ECE1: variants seen among roughly 807,000 people sequenced by gnomAD.
ECE1 encodes endothelin-converting enzyme 1.
ECE1 carries 35 observed loss-of-function variants against 98.6 expected under a neutral mutation model. The observed-to-expected ratio is 0.35, with a 90% confidence interval of 0.27 to 0.47. The LOEUF (loss-of-function observed/expected upper bound fraction) is 0.47, where lower values mean the gene tolerates loss of function less well. Ranked by LOEUF, ECE1 falls within the 20% of genes least tolerant of loss-of-function variation. The pLI is 1.00. For missense variants in ECE1, 814 were observed against 1,025.3 expected (o/e 0.79, Z 2.81); for synonymous variants, 394 against 407.1 (o/e 0.97, Z 0.39).
At chr1:21,259,306 T>C (rs146397800) in intron 5 of ECE1, among the ~76,000 whole-genome samples, 149 of 152,208 alleles carry the variant, frequency 9.8e-4, no homozygotes, top group Admixed American at 2.4e-3. Flanking sequence ...CTTGCTCTGA[T>C]TCCCAGGCTG....
At chr1:21,303,575 C>G (rs1420052725) in intron 1 of ECE1, among the ~76,000 whole-genome samples, 1 of 152,188 alleles carries the variant, frequency 6.6e-6, no homozygotes, top group Non-Finnish European at 1.5e-5. Flanking sequence ...TCCAACTGGC[C>G]CAAGGCAGAA....
Position 21,225,559 on chromosome 1 carries a change from T to A in ECE1, c.1850-119A>T. The A allele has an allele frequency of 8.3e-7, 1 of 1,198,472 alleles. No homozygotes were observed. 74.2% of individuals were successfully genotyped at this position (1,198,472 alleles called of 1,614,324 possible). ...GTCCACCCCCGTCCTCCAGCCACCA[T>A]GGGGAGACGAGGTCCCTGTGAGTGC... is the stretch of plus-strand genomic sequence containing the variant. On this transcript the variant is annotated intron_variant, in intron 16 of 18. Transcript: ENST00000374893. This position sits in a 1 kb window ranked among gnomAD's most constrained non-coding sequence, Gnocchi z 5.3.
upstream of ECE1, among the ~76,000 whole-genome samples, chr1:21,294,711 T>C (rs1638304330): frequency 6.6e-6 from 1 of 152,186 alleles, no homozygotes; most frequent in Admixed American, 6.5e-5. This position sits in a 1 kb window ranked among gnomAD's most constrained non-coding sequence, Gnocchi z 4.2. Flanking sequence ...CCAGACGACA[T>C]TAGTCACTCA....
intron 14 of ECE1, among the ~76,000 whole-genome samples, chr1:21,231,991 TA>T (rs1339325650): frequency 3.3e-5 from 5 of 152,200 alleles, no homozygotes; most frequent in Non-Finnish European, 7.3e-5. Context: ...GAAATTTAAA[TA>T]AAAACATTCA....
intron 1 of ECE1, among the ~76,000 whole-genome samples, chr1:21,314,843 T>C (rs76964154): frequency 0.27 from 41,652 of 152,192 alleles, 6,373 homozygotes; most frequent in African/African-American, 0.39. Flanking sequence ...ACTGTGCTTA[T>C]CCCTCTCAAT....
chr1:21,322,520 C>T lies in ECE1; in HGVS notation c.3+22856G>A, dbSNP rs1638986719. On this transcript the variant is annotated intron_variant, in intron 1 of 18. Transcript: ENST00000415912. This position sits in a 1 kb window ranked among gnomAD's most constrained non-coding sequence, Gnocchi z 4.1. ...GCGCAGGCTGAGGCACAGGTTGGGG[C>T]TGTGCCAGGCCCCCCACATGTGTCA... 6.6e-6 allele frequency among the ~76,000 whole-genome samples: 1 copy of T among 152,214 alleles called. No homozygotes were observed. Among genetic ancestry groups the T allele is most frequent in the Admixed American group, 6.5e-5 (1 of 15,280 alleles).
intron 1 of ECE1, among the ~76,000 whole-genome samples, chr1:21,333,841 A>G (rs559067303): frequency 6.6e-6 from 1 of 152,322 alleles, no homozygotes; most frequent in South Asian, 2.1e-4. Context: ...CTCAAAAAAA[A>G]AAAAATGACG....
At chr1:21,284,031 G>A (rs1445393465) in intron 2 of ECE1, among the ~76,000 whole-genome samples, 1 of 152,222 alleles carries the variant, frequency 6.6e-6, no homozygotes, top group African/African-American at 2.4e-5. Context: ...CTCCAGGGCA[G>A]GGTGGCCAAT....
At position 21,225,282 on chromosome 1, in the gene ECE1, C is replaced by T. The variant is rs780918973; in HGVS notation, c.2008G>A (p.Ala670Thr). 1 of 1,614,160 alleles carries T rather than the reference C, an allele frequency of 6.2e-7. No individual in the cohort carries two copies. The highest frequency in any genetic ancestry group is 1.3e-5 in the African/African-American group (1 of 75,044). The part of the protein sequence containing the change: ...NGRHTLGENI[A>T]DNGGLKAAYR... ...GCCGCCTTGAGACCCCCGTTGTCGGCGATGTTCTCCCCCAGGGTGTGCCGC... is the reference window on the plus strand; with the variant it reads ...GCCGCCTTGAGACCCCCGTTGTCGGTGATGTTCTCCCCCAGGGTGTGCCGC... The change falls in exon 17 of 19, where the codon GCC becomes ACC. Residue 670 changes from alanine to threonine, a missense_variant. By Grantham distance (58) the Ala-to-Thr change is moderately conservative (BLOSUM62 0). Transcript: ENST00000374893. The surrounding 1 kb of genome is among the most constrained non-coding windows in gnomAD (Gnocchi z 5.3).
intron 5 of ECE1, among the ~76,000 whole-genome samples, chr1:21,259,319 G>C (rs1275776327): frequency 6.6e-6 from 1 of 152,052 alleles, no homozygotes; most frequent in East Asian, 1.9e-4. Context: ...CCAGGCTGAA[G>C]TGCAGTGGGG....
At chr1:21,313,885 C>A (rs78412235) in intron 1 of ECE1, among the ~76,000 whole-genome samples, 1,940 of 152,280 alleles carry the variant, frequency 0.013, 42 homozygotes, top group African/African-American at 0.044. Context: ...ACAGGAATGT[C>A]CCGGCTCACG....
chr1:21,257,714 C>G, intron 6 of ECE1, 124 bp from the exon 7 acceptor site: 5 of 1,005,550 alleles, frequency 5.0e-6, no homozygotes, highest in Non-Finnish European at 4.6e-6. Flanking sequence ...CTTGGAGAAG[C>G]AGGACTGCTG....
At chr1:21,284,923 C>T (rs987066210) in intron 2 of ECE1, among the ~76,000 whole-genome samples, 1 of 152,192 alleles carries the variant, frequency 6.6e-6, no homozygotes, top group East Asian at 1.9e-4. Flanking sequence ...GCACCAGGCT[C>T]CCTGGAGTAA....
intron 1 of ECE1, among the ~76,000 whole-genome samples, chr1:21,323,439 A>G (rs1639005342): frequency 6.6e-6 from 1 of 152,128 alleles, no homozygotes; most frequent in Non-Finnish European, 1.5e-5. Flanking sequence ...TTCTCGACAG[A>G]TATAGCAGGA....
chr1:21,314,459 A>G (rs1165408364), intron 1 of ECE1, among the ~76,000 whole-genome samples: 1 of 152,184 alleles, frequency 6.6e-6, no homozygotes, highest in African/African-American at 2.4e-5. Flanking sequence ...ATTAGGAACA[A>G]CTTTTCTTTT....
intron 4 of ECE1, among the ~76,000 whole-genome samples, chr1:21,269,086 G>A (rs1387021705): frequency 6.6e-6 from 1 of 152,218 alleles, no homozygotes; most frequent in Non-Finnish European, 1.5e-5. Flanking sequence ...GGGAAAGGAG[G>A]CAGGCGAACC....
chr1:21,221,240 G>T (rs1326824947), intron 18 of ECE1, among the ~76,000 whole-genome samples: 1 of 152,162 alleles, frequency 6.6e-6, no homozygotes. Context: ...CGTGATCTTG[G>T]TTCACTGCAA....
In ECE1 at chr1:21,256,511, G is replaced by A. The variant is rs576872717; in HGVS notation, c.829-373C>T. On this transcript the variant is annotated intron_variant, in intron 7 of 18. Transcript: ENST00000374893. ...GAGGAGGTTGCAGTGAGCCCAGATT[G>A]TGCGCCATGGCACTCTAGCCTGGGC... 2.2e-3 allele frequency among the ~76,000 whole-genome samples: 329 copies of A among 151,976 alleles called. 2 individuals are homozygous for A. Among genetic ancestry groups the A allele is most frequent in the African/African-American group, 7.0e-3 (291 of 41,456 alleles).
chr1:21,305,893 A>G (rs1638586070), intron 1 of ECE1, among the ~76,000 whole-genome samples: 1 of 152,164 alleles, frequency 6.6e-6, no homozygotes, highest in East Asian at 1.9e-4. Flanking sequence ...CCCAGAGAGA[A>G]CCCTCTGTTC....
Sources: gnomAD v4.1 joint callset for allele counts (sites outside exome capture counted in the v4.1 genomes callset) on GRCh38, gnomAD v4.1.1 for gene constraint, Gnocchi (gnomAD v3.1) non-coding constraint, MANE v1.5 for transcripts, NCBI Gene and HGNC (gene_info 2026-07-23, HGNC 2026-07-21) for gene names.